BTBD9: variants seen among roughly 807,000 people sequenced by gnomAD.
BTBD9 encodes BTB domain containing 9, also known as BTB/POZ domain-containing protein 9.
In BTBD9, 49 loss-of-function variants were observed where a neutral mutation model predicts 64.3. That is an observed-to-expected ratio of 0.76 (90% CI 0.61 to 0.97). BTBD9 has a LOEUF of 0.97. BTBD9 is among the 50% of genes least tolerant of loss of function. The probability of loss-of-function intolerance (pLI) is 0.00; values close to 1 mark genes in which losing one functional copy is unlikely to be tolerated. For missense variants in BTBD9, 598 were observed against 762.1 expected (o/e 0.78, Z 2.53); for synonymous variants, 260 against 274.7 (o/e 0.95, Z 0.53).
chr6:38,590,253 G>T (rs1776736371), intron 4 of BTBD9, among the ~76,000 whole-genome samples: 1 of 149,892 alleles, frequency 6.7e-6, no homozygotes, highest in African/African-American at 2.5e-5. Flanking sequence ...GATATACACA[G>T]AAAAAAAAAC....
intron 7 of BTBD9, among the ~76,000 whole-genome samples, chr6:38,309,646 C>T (rs1313802538): frequency 6.6e-6 from 1 of 151,870 alleles, no homozygotes; most frequent in Non-Finnish European, 1.5e-5. Flanking sequence ...CTCCTGACCT[C>T]ATGATCTGCC....
At chr6:38,320,894 A>G (rs571684644) in intron 7 of BTBD9, among the ~76,000 whole-genome samples, 49 of 152,330 alleles carry the variant, frequency 3.2e-4, no homozygotes, top group African/African-American at 1.1e-3. Context: ...GGAAGAACCA[A>G]TAACAATTCT....
At chr6:38,567,489 T>A (rs535513123) in intron 6 of BTBD9, among the ~76,000 whole-genome samples, 1 of 152,198 alleles carries the variant, frequency 6.6e-6, no homozygotes, top group Non-Finnish European at 1.5e-5. Flanking sequence ...TCCACTCCAA[T>A]CCACAATCCA....
At chr6:38,480,986 C>T (rs1405238598) in intron 6 of BTBD9, among the ~76,000 whole-genome samples, 1 of 152,174 alleles carries the variant, frequency 6.6e-6, no homozygotes, top group Non-Finnish European at 1.5e-5. Context: ...TTTAAAAATG[C>T]TCTTTAAACA....
intron 9 of BTBD9, among the ~76,000 whole-genome samples, chr6:38,192,826 C>T (rs1762136492): frequency 6.7e-6 from 1 of 149,530 alleles, no homozygotes; most frequent in Admixed American, 6.8e-5. Context: ...GCACTCCTCC[C>T]CATCTGTGAA....
At chr6:38,300,466 C>T (rs192880792) in intron 7 of BTBD9, among the ~76,000 whole-genome samples, 23 of 152,236 alleles carry the variant, frequency 1.5e-4, no homozygotes, top group Middle Eastern at 3.4e-3. Context: ...ACCATTTTCA[C>T]GATATTGATT....
chr6:38,523,230 A>G (rs1392057174), intron 6 of BTBD9, among the ~76,000 whole-genome samples: 2 of 151,862 alleles, frequency 1.3e-5, no homozygotes, highest in South Asian at 2.1e-4. Flanking sequence ...TTCCATGATG[A>G]CACCTCTTGC....
rs116662253 is a variant in BTBD9, at chr6:38,529,126, A to G, written c.1154+48474T>C. Among the ~76,000 whole-genome samples the G allele has an allele frequency of 4.7e-3, 714 of 152,260 alleles. 7 individuals carry two copies. The highest frequency in any genetic ancestry group is 0.016 in the African/African-American group (657 of 41,538). On this transcript the variant is annotated intron_variant, in intron 6 of 10. Coordinates refer to ENST00000481247, the MANE Select transcript of BTBD9 (RefSeq NM_001099272.2). ...TGACTGAGAAGCCCTTGGGACTTGA[A>G]TGAACATCAGCCATAGCCAGGCAGT...
chr6:38,416,923 G>GGTTTT (rs550336296), intron 6 of BTBD9, among the ~76,000 whole-genome samples: 44 of 152,166 alleles, frequency 2.9e-4, no homozygotes, highest in African/African-American at 9.6e-4. Flanking sequence ...AGGACCTCGT[G>GGTTTT]GTTTTGTTTT....
chr6:38,636,557 T>C (rs1778532649), intron 1 of BTBD9, among the ~76,000 whole-genome samples: 1 of 152,210 alleles, frequency 6.6e-6, no homozygotes, highest in Non-Finnish European at 1.5e-5. Flanking sequence ...CCCTTACCTC[T>C]AGCTGGTCAT....
At chr6:38,580,533 T>A in intron 4 of BTBD9, 96 bp from the exon 5 acceptor site, 1 of 1,016,692 alleles carries the variant, frequency 9.8e-7, no homozygotes, top group Non-Finnish European at 1.5e-6. Flanking sequence ...TTTATTCTAG[T>A]ATCTGCATTT....
At chr6:38,266,615 AAAGAAAGAAAGAAAG>A (rs1764993549) in intron 8 of BTBD9, among the ~76,000 whole-genome samples, 1 of 17,912 alleles carries the variant, frequency 5.6e-5, no homozygotes, top group East Asian at 6.9e-4. Flanking sequence ...GGAAAGAAAG[AAAGAAAGAAAGAAAG>A]AAAGAAAGAA....
chr6:38,493,934 A>C (rs1771817200), intron 6 of BTBD9, among the ~76,000 whole-genome samples: 1 of 152,266 alleles, frequency 6.6e-6, no homozygotes, highest in South Asian at 2.1e-4. Flanking sequence ...TGAGTAAATT[A>C]CACAGCATTA....
chr6:38,592,188 A>G (rs1776824392), intron 4 of BTBD9, among the ~76,000 whole-genome samples: 1 of 152,066 alleles, frequency 6.6e-6, no homozygotes, highest in Non-Finnish European at 1.5e-5. Flanking sequence ...TCTCAAAAAA[A>G]AAAAAAAGAA....
chr6:38,309,386 CAAACAAACAAAA>C (rs1381295327), intron 7 of BTBD9, among the ~76,000 whole-genome samples: 21 of 151,092 alleles, frequency 1.4e-4, no homozygotes, highest in African/African-American at 4.4e-4. Flanking sequence ...AACAAACAAA[CAAACAAACAAAA>C]AAACCACGAA....
intron 6 of BTBD9, among the ~76,000 whole-genome samples, chr6:38,567,932 A>C (rs888056234): frequency 6.1e-4 from 93 of 152,332 alleles, no homozygotes; most frequent in African/African-American, 2.2e-3. Flanking sequence ...TTCCAGAAAA[A>C]CAGATTATTA....
At chr6:38,317,262 T>TG (rs1763062848) in intron 7 of BTBD9, among the ~76,000 whole-genome samples, 2 of 152,090 alleles carry the variant, frequency 1.3e-5, no homozygotes, top group African/African-American at 4.8e-5. Flanking sequence ...CCCAAAGTGC[T>TG]GGATTACAGG....
intron 7 of BTBD9, among the ~76,000 whole-genome samples, chr6:38,315,915 G>C (rs1763011775): frequency 6.6e-6 from 1 of 152,152 alleles, no homozygotes; most frequent in African/African-American, 2.4e-5. Context: ...GGGTGCTGAA[G>C]TCTCTAGCTA....
At chr6:38,530,230 GT>G (rs1266044306) in intron 6 of BTBD9, among the ~76,000 whole-genome samples, 4 of 152,146 alleles carry the variant, frequency 2.6e-5, no homozygotes, top group Non-Finnish European at 4.4e-5. Context: ...GTTTTCTGTT[GT>G]TTAAGATGTT....
Sources: gnomAD v4.1 joint callset for allele counts (sites outside exome capture counted in the v4.1 genomes callset) on GRCh38, gnomAD v4.1.1 for gene constraint, MANE v1.5 for transcripts, NCBI Gene and HGNC (gene_info 2026-07-23, HGNC 2026-07-21) for gene names.